Variants in AOX1 observed in about 807,000 individuals in gnomAD.
AOX1 encodes aldehyde oxidase 1.
AOX1 carries 153 observed loss-of-function variants against 169.5 expected under a neutral mutation model. The observed-to-expected ratio is 0.90, with a 90% CI of 0.79 to 1.03. The LOEUF (loss-of-function observed/expected upper bound fraction) is 1.03, where lower values mean the gene tolerates loss of function less well. Among genes scored for constraint, AOX1 ranks in the 50% least tolerant of loss-of-function variants. AOX1 has a pLI of 0.00. For missense variants in AOX1, 1,656 were observed against 1,663.9 expected, an observed-to-expected ratio of 1.00 and a Z score of 0.08; for synonymous variants, 562 against 581.9, an observed-to-expected ratio of 0.97 and a Z score of 0.49.
At chr2:200,589,620 TGG>T (rs34882667) in intron 1 of AOX1, among the ~76,000 whole-genome samples, 33,390 of 152,030 alleles carry the variant, frequency 0.22, 3,881 homozygotes, top group Middle Eastern at 0.3. Flanking sequence ...GTTAGCAGGG[TGG>T]GTGTACACAG....
chr2:200,669,772 G>C (rs1471856671), intron 34 of AOX1, 30 bp downstream of exon 34: 1 of 1,603,274 alleles, frequency 6.2e-7, no homozygotes, highest in Non-Finnish European at 8.5e-7. Context: ...AAAAAATAGT[G>C]ATCATAAAAT....
downstream of AOX1, among the ~76,000 whole-genome samples, chr2:200,680,189 A>T (rs2036140477): frequency 6.6e-6 from 1 of 152,232 alleles, no homozygotes. Context: ...CAGAAAGAAT[A>T]GTTTTGTGAC....
rs1331736389 is a variant in AOX1 at position 200,593,243 on chromosome 2, A to G, written c.103+40A>G. 4.0e-6 allele frequency: 6 copies of G among 1,482,954 alleles called. No homozygotes were observed. The East Asian group carries it at 1.1e-4, about 28-fold the overall frequency. 91.9% of individuals were successfully genotyped at this position (1,482,954 alleles called of 1,614,324 possible). On this transcript the variant is annotated intron_variant, in intron 2 of 34. Coordinates refer to ENST00000374700, the MANE Select transcript of AOX1 (RefSeq NM_001159.4). ...ACTTTGACTGTGTATGTGTGTGTGT[A>G]TTTGTATAACTCCAATATCCTCATT...
intron 3 of AOX1, among the ~76,000 whole-genome samples, chr2:200,595,740 C>T (rs540202974): frequency 6.6e-6 from 1 of 152,176 alleles, no homozygotes; most frequent in Admixed American, 6.5e-5. Flanking sequence ...TCCCTAACTC[C>T]CTGTCTGGGG....
At chr2:200,623,463 G>A (rs1001495947) in intron 18 of AOX1, among the ~76,000 whole-genome samples, 2 of 152,258 alleles carry the variant, frequency 1.3e-5, no homozygotes, top group Non-Finnish European at 2.9e-5. Context: ...CTCTCTGGTT[G>A]AGATGATCTG....
intron 26 of AOX1, among the ~76,000 whole-genome samples, chr2:200,655,076 T>C (rs2035655717): frequency 1.3e-5 from 2 of 152,208 alleles, no homozygotes; most frequent in Admixed American, 6.5e-5. Context: ...ATGAATTACA[T>C]GCACACTTTG....
At chr2:200,602,786 A>G (rs1017383014) in intron 6 of AOX1, among the ~76,000 whole-genome samples, 2 of 152,178 alleles carry the variant, frequency 1.3e-5, no homozygotes, top group African/African-American at 4.8e-5. Context: ...CTCCGGGTCC[A>G]GTCACCATAT....
chr2:200,635,683 G>A (rs1487210075), intron 21 of AOX1, among the ~76,000 whole-genome samples: 1 of 152,054 alleles, frequency 6.6e-6, no homozygotes, highest in African/African-American at 2.4e-5. Context: ...TGTACCCTAC[G>A]CAGCATGCAT....
chr2:200,607,156 A>C (rs991106882), intron 10 of AOX1, among the ~76,000 whole-genome samples: 1 of 152,224 alleles, frequency 6.6e-6, no homozygotes, highest in Non-Finnish European at 1.5e-5. Flanking sequence ...GATATGATCC[A>C]TCAATACCTA....
intron 33 of AOX1, among the ~76,000 whole-genome samples, 200 bp from the exon 34 acceptor site, chr2:200,669,375 C>T (rs891830996): frequency 1.3e-5 from 2 of 151,260 alleles, no homozygotes; most frequent in Non-Finnish European, 2.9e-5. Flanking sequence ...ACCTGGGAGG[C>T]GGAGGTTGCA....
At position 200,611,391 on chromosome 2, in the gene AOX1, A is replaced by G. The variant is rs1329727839; in HGVS notation, c.1161A>G (p.Lys387=). 1 of 1,611,716 alleles carries G rather than the reference A, an allele frequency of 6.2e-7. No individual in the cohort carries two copies. The highest frequency in any genetic ancestry group is 1.7e-5 in the Admixed American group (1 of 59,980). ...TGTCATTTCTTTCCACAGAAGGAAA[A>G]CGACAGATTCCTTTAAATGAGCAAT... The part of the protein sequence containing the change: ...CTLNLLSKEG[K]RQIPLNEQFL... The change falls in exon 13 of 35, where the codon AAA becomes AAG. Residue 387 remains lysine (K), a synonymous_variant. Coordinates refer to ENST00000374700, the MANE Select transcript of AOX1 (RefSeq NM_001159.4).
downstream of AOX1, among the ~76,000 whole-genome samples, chr2:200,672,487 CT>C (rs2036043847): frequency 2.6e-5 from 4 of 152,304 alleles, no homozygotes; most frequent in South Asian, 8.3e-4. Flanking sequence ...ACATGGATCT[CT>C]GCCTTTAAGA....
At chr2:200,636,875 A>C (rs1484126333) in intron 21 of AOX1, 36 bp from the exon 22 acceptor site, 1 of 1,593,442 alleles carries the variant, frequency 6.3e-7, no homozygotes, top group African/African-American at 1.3e-5. Flanking sequence ...CTTGCTGAAG[A>C]TGGATCAGAT....
chr2:200,642,503 T>C, intron 24 of AOX1, 107 bp from the exon 25 acceptor site: 1 of 773,450 alleles, frequency 1.3e-6, no homozygotes, highest in South Asian at 1.8e-5. Flanking sequence ...GCATGTTAGA[T>C]GAGATGAAAA....
intron 34 of AOX1, among the ~76,000 whole-genome samples, chr2:200,670,195 G>C (rs1413052804): frequency 6.6e-6 from 1 of 152,124 alleles, no homozygotes; most frequent in Non-Finnish European, 1.5e-5. Flanking sequence ...CAGCGCCCAT[G>C]CCGAGCAGAC....
At chr2:200,643,337 G>A (rs2035391558) in intron 25 of AOX1, among the ~76,000 whole-genome samples, 1 of 151,224 alleles carries the variant, frequency 6.6e-6, no homozygotes, top group African/African-American at 2.4e-5. Flanking sequence ...CCCGATGGGT[G>A]TATGTATATA....
At chr2:200,596,429 C>T (rs2034286318) in intron 3 of AOX1, among the ~76,000 whole-genome samples, 2 of 152,198 alleles carry the variant, frequency 1.3e-5, no homozygotes, top group South Asian at 4.1e-4. Flanking sequence ...TCCTGTCTCT[C>T]CCCCAGCCTT....
chr2:200,654,140 A>G (rs1318241788), intron 26 of AOX1, among the ~76,000 whole-genome samples: 1 of 150,730 alleles, frequency 6.6e-6, no homozygotes, highest in Non-Finnish European at 1.5e-5. Flanking sequence ...ATCAAATGCT[A>G]GAAATGATTA....
chr2:200,612,684 G>A lies in AOX1; in HGVS notation c.1339G>A (p.Val447Ile). 1 of 1,614,158 alleles carries A rather than the reference G, an allele frequency of 6.2e-7. No individual in the cohort carries two copies. Among genetic ancestry groups the A allele is most frequent in the Non-Finnish European group, 8.5e-7 (1 of 1,180,024 alleles). The change falls in exon 14 of 35, where the codon GTC becomes ATC. Residue 447 changes from valine (V) to isoleucine (I), a missense_variant. By Grantham distance (29) the Val-to-Ile change is conservative. Coordinates refer to ENST00000374700, the MANE Select transcript of AOX1 (RefSeq NM_001159.4). ...AGCGATAGTCAATTCAGGAATGAGA[G>A]TCTTTTTTGGAGAAGGGGATGGCAT... The part of the protein sequence containing the change: ...ALAIVNSGMR[V>I]FFGEGDGIIR...
Sources: gnomAD v4.1 joint callset for allele counts (sites outside exome capture counted in the v4.1 genomes callset) on GRCh38, gnomAD v4.1.1 for gene constraint, MANE v1.5 for transcripts, NCBI Gene and HGNC (gene_info 2026-07-23, HGNC 2026-07-21) for gene names.